IL1RL2: variants seen among roughly 807,000 people sequenced by gnomAD.
IL1RL2 encodes interleukin-1 receptor-like 2.
Under a neutral mutation model 66.8 loss-of-function variants are expected in IL1RL2, and 68 were observed. That is an observed-to-expected ratio of 1.02 (90% confidence interval 0.84 to 1.25). The LOEUF is 1.25. Ranked by LOEUF, IL1RL2 falls within the 50% of genes most tolerant of loss-of-function variation. IL1RL2 has a pLI of 0.00. For missense variants in IL1RL2, 729 were observed against 709.3 expected (o/e 1.03, Z -0.32); for synonymous variants, 305 against 264.6 (o/e 1.15, Z -1.48).
intron 11 of IL1RL2, among the ~76,000 whole-genome samples, chr2:102,236,878 G>A (rs1356717604): frequency 6.6e-6 from 1 of 152,200 alleles, no homozygotes; most frequent in Non-Finnish European, 1.5e-5. Context: ...AAAGAAAGTA[G>A]TGACACATGT....
chr2:102,197,169 A>G (rs1017359212), intron 4 of IL1RL2, among the ~76,000 whole-genome samples: 5 of 152,170 alleles, frequency 3.3e-5, no homozygotes, highest in Admixed American at 1.3e-4. Context: ...TGGAGATGTA[A>G]TGAATTTGTA....
At chr2:102,189,996 C>T (rs944421550) in intron 3 of IL1RL2, among the ~76,000 whole-genome samples, 37 of 152,174 alleles carry the variant, frequency 2.4e-4, no homozygotes, top group Non-Finnish European at 5.9e-5. Flanking sequence ...TGGGAAATGG[C>T]ACATCCAGAT....
At position 102,239,287 on chromosome 2, in the gene IL1RL2, T is replaced by A; in HGVS notation, c.*46T>A. ...ATGGCTGGAAGATGACTTGTTTTGC[T>A]CCATGTCTCCTCATTCCTACACCTA... is the stretch of plus-strand genomic sequence containing the variant. On this transcript the variant is annotated 3_prime_UTR_variant, in exon 12 of 12. Coordinates refer to ENST00000264257, the MANE Select transcript of IL1RL2 (RefSeq NM_003854.4). 6.4e-7 allele frequency: 1 copy of A among 1,557,726 alleles called. No homozygotes were observed. The highest frequency in any genetic ancestry group is 8.9e-7 in the Non-Finnish European group (1 of 1,128,720).
At chr2:102,207,667 C>T (rs1375828958) in intron 5 of IL1RL2, among the ~76,000 whole-genome samples, 1 of 151,906 alleles carries the variant, frequency 6.6e-6, no homozygotes, top group South Asian at 2.1e-4. Flanking sequence ...AGGAAAGCGT[C>T]TCTTTTATAG....
intron 6 of IL1RL2, among the ~76,000 whole-genome samples, chr2:102,218,377 T>C: frequency 6.6e-6 from 1 of 152,144 alleles, no homozygotes; most frequent in East Asian, 1.9e-4. Context: ...GACTATAAAT[T>C]GATGAAATTT....
rs1452933250 is a variant in IL1RL2 at position 102,239,247 on chromosome 2, G to T, written c.*6G>T. The T allele has an allele frequency of 1.2e-6, 2 of 1,613,572 alleles. No individual in the cohort carries two copies. Among genetic ancestry groups the T allele is most frequent in the Non-Finnish European group, 1.7e-6 (2 of 1,179,590 alleles). On this transcript the variant is annotated 3_prime_UTR_variant, in exon 12 of 12. Transcript: ENST00000264257. The stretch of plus-strand genomic sequence containing the variant: ...GTACTCTCACGACTGGCTAAGACTT[G>T]CTGGACTGACACCTATGGCTGGAAG...
downstream of IL1RL2, among the ~76,000 whole-genome samples, chr2:102,241,288 G>A (rs1320992662): frequency 6.6e-6 from 1 of 152,188 alleles, no homozygotes; most frequent in Non-Finnish European, 1.5e-5. Context: ...GGATCAGCAG[G>A]CCCTGTTTAC....
intron 11 of IL1RL2, chr2:102,235,898 A>G (rs1448174533): frequency 1.0e-6 from 1 of 985,328 alleles, no homozygotes; most frequent in African/African-American, 1.7e-5. Context: ...GGGAGTGGCC[A>G]TGACTGCCTC....
At chr2:102,238,388 A>G (rs972266652) in intron 11 of IL1RL2, among the ~76,000 whole-genome samples, 1 of 152,164 alleles carries the variant, frequency 6.6e-6, no homozygotes, top group Non-Finnish European at 1.5e-5. Flanking sequence ...ACCAAGCAAG[A>G]TGAAGATATA....
intron 5 of IL1RL2, among the ~76,000 whole-genome samples, chr2:102,209,494 G>C (rs1005823077): frequency 1.2e-4 from 17 of 146,124 alleles, no homozygotes; most frequent in African/African-American, 4.0e-4. Context: ...AGAGGGAACA[G>C]TATAGGACAA....
intron 5 of IL1RL2, among the ~76,000 whole-genome samples, chr2:102,208,827 T>G (rs984466716): frequency 3.3e-5 from 5 of 152,274 alleles, no homozygotes; most frequent in African/African-American, 1.2e-4. Context: ...TTTTCAATTT[T>G]AATTGTTCAT....
intron 9 of IL1RL2, among the ~76,000 whole-genome samples, chr2:102,228,118 A>T (rs1326082419): frequency 6.6e-6 from 1 of 151,948 alleles, no homozygotes; most frequent in Non-Finnish European, 1.5e-5. Context: ...CTTTATTTTT[A>T]TTTTGCTTAA....
chr2:102,198,017 C>A (rs1475142481), intron 4 of IL1RL2, among the ~76,000 whole-genome samples: 2 of 152,196 alleles, frequency 1.3e-5, no homozygotes, highest in Non-Finnish European at 2.9e-5. Context: ...TGTCTTGAAT[C>A]CTTTTCTGCA....
intron 11 of IL1RL2, among the ~76,000 whole-genome samples, chr2:102,237,168 GCTGCCTCCATC>G: frequency 2.0e-5 from 3 of 152,304 alleles, no homozygotes; most frequent in African/African-American, 7.2e-5. Flanking sequence ...GCTGCCTCTG[GCTGCCTCCATC>G]CTGCAGAGGG....
intron 10 of IL1RL2, among the ~76,000 whole-genome samples, chr2:102,234,521 A>T (rs1333762353): frequency 1.3e-5 from 2 of 152,180 alleles, no homozygotes; most frequent in Non-Finnish European, 1.5e-5. Flanking sequence ...TGGCCAGGCA[A>T]GGTGGCTCAC....
intron 8 of IL1RL2, among the ~76,000 whole-genome samples, chr2:102,222,016 T>C (rs1690182847): frequency 6.6e-6 from 1 of 152,214 alleles, no homozygotes; most frequent in African/African-American, 2.4e-5. Context: ...TCTTCCCTGA[T>C]CCTCCCCTCC....
At chr2:102,208,582 T>G (rs1479986701) in intron 5 of IL1RL2, among the ~76,000 whole-genome samples, 2 of 152,258 alleles carry the variant, frequency 1.3e-5, no homozygotes. Flanking sequence ...TATTTGTCAC[T>G]AGTTTCCATC....
chr2:102,236,507 C>T (rs1261476552), intron 11 of IL1RL2, among the ~76,000 whole-genome samples: 1 of 152,232 alleles, frequency 6.6e-6, no homozygotes, highest in Non-Finnish European at 1.5e-5. Context: ...ATTTGTTTAG[C>T]ATCCTATGGA....
chr2:102,215,560 A>G (rs1689539001), intron 6 of IL1RL2, among the ~76,000 whole-genome samples: 1 of 152,014 alleles, frequency 6.6e-6, no homozygotes, highest in Admixed American at 6.6e-5. Context: ...GAGGGTGTAC[A>G]TACTCACCCT....
Sources: gnomAD v4.1 joint callset for allele counts (sites outside exome capture counted in the v4.1 genomes callset) on GRCh38, gnomAD v4.1.1 for gene constraint, MANE v1.5 for transcripts, NCBI Gene and HGNC (gene_info 2026-07-23, HGNC 2026-07-21) for gene names.